Variants in AUTS2 observed in about 807,000 individuals in gnomAD.
AUTS2 encodes activator of transcription and developmental regulator AUTS2, also known as autism susceptibility gene 2 protein.
AUTS2 carries 17 observed loss-of-function variants against 112.4 expected under a neutral mutation model. The ratio of observed to expected loss-of-function variants is 0.15; its 90% confidence interval spans 0.10 to 0.23. The LOEUF (loss-of-function observed/expected upper bound fraction) is 0.23, where lower values mean the gene tolerates loss of function less well. Among genes scored for constraint, AUTS2 ranks in the 10% least tolerant of loss-of-function variants. The probability of loss-of-function intolerance (pLI) is 1.00; values close to 1 mark genes in which losing one functional copy is unlikely to be tolerated. For synonymous variants in AUTS2, 751 were observed against 702.7 expected (o/e 1.07, Z -1.09); for missense variants, 1,510 against 1,701.6 (o/e 0.89, Z 1.98).
At chr7:69,658,516 G>C (rs1795645547) in intron 1 of AUTS2, among the ~76,000 whole-genome samples, 1 of 152,158 alleles carries the variant, frequency 6.6e-6, no homozygotes, top group African/African-American at 2.4e-5. Flanking sequence ...TTTATAAAGA[G>C]TTAATCCTTA....
At chr7:70,684,028 G>A (rs1162244874) in intron 5 of AUTS2, among the ~76,000 whole-genome samples, 2 of 151,944 alleles carry the variant, frequency 1.3e-5, no homozygotes, top group African/African-American at 4.8e-5. Context: ...ACCCCAGCAA[G>A]TGTATGATTC....
chr7:70,591,549 C>T (rs2129528503), intron 5 of AUTS2, among the ~76,000 whole-genome samples: 1 of 152,280 alleles, frequency 6.6e-6, no homozygotes, highest in East Asian at 1.9e-4. Context: ...AGGCACTGGC[C>T]ATCACGCCTG....
intron 5 of AUTS2, among the ~76,000 whole-genome samples, chr7:70,443,609 C>T (rs750224034): frequency 1.1e-4 from 17 of 152,154 alleles, no homozygotes; most frequent in African/African-American, 1.7e-4. Flanking sequence ...GGGACATACT[C>T]GGGTATATGT....
At chr7:69,716,134 T>A (rs1411634010) in intron 1 of AUTS2, among the ~76,000 whole-genome samples, 1 of 152,160 alleles carries the variant, frequency 6.6e-6, no homozygotes, top group Non-Finnish European at 1.5e-5. Flanking sequence ...TCCTGTCAAA[T>A]GATAAGATTG....
intron 1 of AUTS2, among the ~76,000 whole-genome samples, chr7:69,613,785 G>C (rs1352185408): frequency 6.6e-6 from 1 of 152,158 alleles, no homozygotes; most frequent in Non-Finnish European, 1.5e-5. Context: ...TTGAGGGCTA[G>C]GTGTATTTTT....
Position 70,517,151 on chromosome 7 carries a change from A to G in AUTS2, c.690+81370A>G, listed in dbSNP as rs12540465. Among the ~76,000 whole-genome samples, 23 of 152,310 alleles carry G rather than the reference A, an allele frequency of 1.5e-4. No homozygotes were observed. In the East Asian group the frequency reaches 1.5e-3, roughly 10 times the overall value. ...ATAAGGGATTTGTTTTCTTATAACA[A>G]GTATATAACCGGACTTGAAAGAGAA... On this transcript the variant is annotated intron_variant, in intron 5 of 18. Transcript: ENST00000342771.
rs867048656 is a variant in AUTS2, at chr7:70,792,619, T to G, written c.*1623T>G. 7.9e-6 allele frequency: 1 copy of G among 126,194 alleles called. No individual in the cohort carries two copies. Among genetic ancestry groups the G allele is most frequent in the Non-Finnish European group, 1.7e-5 (1 of 58,930 alleles). 7.8% of individuals were successfully genotyped at this position (126,194 alleles called of 1,614,324 possible). A position where few individuals can be genotyped will look rare whatever the true frequency, so the allele number is the denominator to read the frequency against. ...GAACTCCAGATGTTGTGCGGTGTTT[T>G]TTTTTTTTTTTAAGACAACAACTAA... On this transcript the variant is annotated 3_prime_UTR_variant, in exon 19 of 19. Transcript: ENST00000342771.
chr7:70,756,594 C>G (rs56287871), intron 6 of AUTS2, among the ~76,000 whole-genome samples: 3,089 of 152,076 alleles, frequency 0.02, 113 homozygotes, highest in African/African-American at 0.07. Flanking sequence ...AATAACATAC[C>G]TTTAAGTATG....
At chr7:70,274,901 C>G (rs187205025) in intron 4 of AUTS2, among the ~76,000 whole-genome samples, 7 of 152,050 alleles carry the variant, frequency 4.6e-5, no homozygotes, top group Admixed American at 3.9e-4. Flanking sequence ...GGTATATAAT[C>G]GGAATTAAAA....
At chr7:70,719,635 T>C (rs1318233011) in intron 6 of AUTS2, among the ~76,000 whole-genome samples, 2 of 152,074 alleles carry the variant, frequency 1.3e-5, no homozygotes, top group East Asian at 3.9e-4. Context: ...AGCTAATTTA[T>C]GTATTTTTAG....
intron 2 of AUTS2, among the ~76,000 whole-genome samples, chr7:70,068,804 A>G (rs1273780401): frequency 6.6e-6 from 1 of 152,230 alleles, no homozygotes; most frequent in Non-Finnish European, 1.5e-5. Context: ...CCACAGAGAA[A>G]TGCTCACACA....
At chr7:69,875,515 G>A (rs1793691095) in intron 1 of AUTS2, among the ~76,000 whole-genome samples, 1 of 152,092 alleles carries the variant, frequency 6.6e-6, no homozygotes, top group Admixed American at 6.5e-5. Context: ...AGGCTCATGG[G>A]ACTTAAAAGA....
At chr7:69,723,548 G>T (rs1344761535) in intron 1 of AUTS2, among the ~76,000 whole-genome samples, 2 of 152,096 alleles carry the variant, frequency 1.3e-5, no homozygotes, top group Non-Finnish European at 2.9e-5. Context: ...TCTTCCCACA[G>T]AGTGGTCCAG....
intron 2 of AUTS2, among the ~76,000 whole-genome samples, chr7:69,979,372 C>T (rs1201483266): frequency 1.3e-5 from 2 of 152,182 alleles, no homozygotes; most frequent in African/African-American, 4.8e-5. Context: ...TCAAAGAGGG[C>T]TTATTTCAGT....
intron 1 of AUTS2, among the ~76,000 whole-genome samples, chr7:69,658,209 G>A (rs753478726): frequency 3.3e-5 from 5 of 152,126 alleles, no homozygotes; most frequent in Non-Finnish European, 5.9e-5. Flanking sequence ...GAAACCATAT[G>A]GCCTGAATAG....
intron 4 of AUTS2, among the ~76,000 whole-genome samples, chr7:70,332,345 C>T (rs955881303): frequency 1.3e-5 from 2 of 152,186 alleles, no homozygotes; most frequent in Non-Finnish European, 2.9e-5. Flanking sequence ...AGTCCATGCT[C>T]ATGGATAGGA....
At chr7:70,628,588 C>CA (rs930647808) in intron 5 of AUTS2, among the ~76,000 whole-genome samples, 60 of 151,962 alleles carry the variant, frequency 3.9e-4, no homozygotes, top group Non-Finnish European at 7.6e-4. Context: ...CCCTCCCCCC[C>CA]AAAAAATCCA....
At chr7:70,663,587 G>A (rs776253576) in intron 5 of AUTS2, among the ~76,000 whole-genome samples, 18 of 151,522 alleles carry the variant, frequency 1.2e-4, no homozygotes, top group Non-Finnish European at 2.1e-4. Context: ...TTGCCATCTC[G>A]TAAGCCTCTT....
In AUTS2 at chr7:70,778,265, T is replaced by C. The variant is rs1424160215; in HGVS notation, c.2004+1091T>C. On this transcript the variant is annotated intron_variant, in intron 14 of 18. Transcript: ENST00000342771. ...TGGGTATTTATAGGCTATGTTACGA[T>C]GCCTGCAAAAATGGGAGCAAACAAG... Among the ~76,000 whole-genome samples the C allele has an allele frequency of 3.3e-5, 5 of 152,268 alleles. No homozygotes were observed. The East Asian group carries it at 7.7e-4, about 23-fold the overall frequency.
Sources: allele counts gnomAD v4.1 joint callset (sites outside exome capture counted in the v4.1 genomes callset), GRCh38; gene constraint gnomAD v4.1.1; transcripts MANE v1.5; gene names NCBI Gene and HGNC (gene_info 2026-07-23, HGNC 2026-07-21).